Variants in RP1 observed in about 807,000 individuals in gnomAD.
RP1 encodes oxygen-regulated protein 1.
A neutral mutation model predicts 14.8 loss-of-function variants in RP1; 16 were observed. That is an observed-to-expected ratio of 1.08 (90% CI 0.73 to 1.65). The LOEUF is 1.65. RP1 is among the 40% of genes most tolerant of loss of function. The pLI is 0.00. For missense variants in RP1, 2,631 were observed against 2,535.0 expected, an observed-to-expected ratio of 1.04 and a Z score of -0.81; for synonymous variants, 876 against 883.6, an observed-to-expected ratio of 0.99 and a Z score of 0.15.
At chr8:54,656,355 C>A in intron 6 of RP1, 1 of 830,740 alleles carries the variant, frequency 1.2e-6, no homozygotes, top group Non-Finnish European at 1.8e-6. Context: ...TCTGATGTGG[C>A]AGCTGCATCT....
chr8:54,648,895 G>A, intron 3 of RP1: 1 of 881,726 alleles, frequency 1.1e-6, no homozygotes, highest in Non-Finnish European at 1.6e-6. Context: ...TGTCTATCCT[G>A]AACTCTCCTA....
intron 25 of RP1, among the ~76,000 whole-genome samples, chr8:54,851,485 A>T (rs1323236313): frequency 6.6e-6 from 1 of 152,212 alleles, no homozygotes; most frequent in East Asian, 1.9e-4. Context: ...CAAGCATCAT[A>T]CTTGTTTTCA....
At chr8:54,810,110 A>G (rs1158305852) in intron 24 of RP1, among the ~76,000 whole-genome samples, 2 of 152,150 alleles carry the variant, frequency 1.3e-5, no homozygotes, top group African/African-American at 4.8e-5. Context: ...TGCCATTAAA[A>G]TCCCTTCTGG....
chr8:54,565,546 G>C (rs1056436423), intron 1 of RP1, among the ~76,000 whole-genome samples: 1 of 152,096 alleles, frequency 6.6e-6, no homozygotes, highest in Non-Finnish European at 1.5e-5. Flanking sequence ...CCTTTATACT[G>C]GTCCATTTGC....
chr8:54,796,112 GT>G (rs1563378959), intron 24 of RP1, among the ~76,000 whole-genome samples: 2 of 152,160 alleles, frequency 1.3e-5, no homozygotes, highest in Admixed American at 1.3e-4. Flanking sequence ...GCAGTGATAG[GT>G]GTGAGTATTG....
intron 1 of RP1, among the ~76,000 whole-genome samples, chr8:54,594,464 A>G (rs1185213248): frequency 6.6e-6 from 1 of 152,234 alleles, no homozygotes; most frequent in Non-Finnish European, 1.5e-5. Context: ...TGTTAGAAGC[A>G]CATTATTTTC....
At chr8:54,570,146 G>C (rs1453857819) in intron 1 of RP1, among the ~76,000 whole-genome samples, 1 of 152,112 alleles carries the variant, frequency 6.6e-6, no homozygotes, top group East Asian at 1.9e-4. Flanking sequence ...GCAGCCCGAT[G>C]TTGCAGCCTC....
intron 24 of RP1, among the ~76,000 whole-genome samples, chr8:54,832,232 T>G (rs7822624): frequency 0.74 from 111,413 of 151,338 alleles, 41,665 homozygotes; most frequent in African/African-American, 0.88. Context: ...TATTTTTTCT[T>G]CTCTATTCAA....
intron 24 of RP1, among the ~76,000 whole-genome samples, chr8:54,823,644 T>A (rs1256543335): frequency 6.6e-6 from 1 of 152,220 alleles, no homozygotes; most frequent in Non-Finnish European, 1.5e-5. Flanking sequence ...TGCTTTTTTT[T>A]ATTGCTGAGT....
At chr8:54,586,609 G>C (rs950333875) in intron 1 of RP1, among the ~76,000 whole-genome samples, 3 of 151,748 alleles carry the variant, frequency 2.0e-5, no homozygotes, top group Admixed American at 2.0e-4. Context: ...AGTCTACAGA[G>C]GCAGGCAGGC....
At chr8:54,702,736 ATAG>A (rs1420724601) in intron 14 of RP1, among the ~76,000 whole-genome samples, 1 of 152,204 alleles carries the variant, frequency 6.6e-6, no homozygotes, top group Non-Finnish European at 1.5e-5. Context: ...CATTTTATCC[ATAG>A]TAGAACTTTT....
Position 54,595,019 on chromosome 8 carries a change from T to C in RP1, c.-12-25936T>C, listed in dbSNP as rs573231500. Among the ~76,000 whole-genome samples the C allele has an allele frequency of 1.1e-4, 17 of 152,112 alleles. No homozygotes were observed. In the South Asian group the frequency reaches 3.3e-3, roughly 30 times the overall value. ...TCAAGGTATTTTTCTTACTCAAAAA[T>C]CCCTATAATAAATAAACATTTAAAA... is the stretch of plus-strand genomic sequence containing the variant. On this transcript the variant is annotated intron_variant, in intron 1 of 22. Transcript: ENST00000636932.
intron 21 of RP1, among the ~76,000 whole-genome samples, chr8:54,757,265 C>A (rs1250391035): frequency 6.6e-6 from 1 of 152,146 alleles, no homozygotes; most frequent in African/African-American, 2.4e-5. Flanking sequence ...GGTGTCCTGG[C>A]ACGATAATAA....
intron 25 of RP1, among the ~76,000 whole-genome samples, chr8:54,846,541 A>G (rs182145955): frequency 6.6e-6 from 1 of 152,314 alleles, no homozygotes; most frequent in Non-Finnish European, 1.5e-5. Context: ...CTGCATGTAA[A>G]TTATATTTCA....
chr8:54,665,469 A>G (rs117774510), intron 7 of RP1, among the ~76,000 whole-genome samples: 1 of 152,272 alleles, frequency 6.6e-6, no homozygotes, highest in East Asian at 1.9e-4. Flanking sequence ...GATAGGTAAG[A>G]TAGAAGTCAG....
chr8:54,670,382 T>C (rs1807126840), intron 7 of RP1, among the ~76,000 whole-genome samples: 2 of 151,178 alleles, frequency 1.3e-5, no homozygotes, highest in Non-Finnish European at 1.5e-5. Context: ...TGCTGTCTAT[T>C]TCTCCCTTCA....
intron 19 of RP1, among the ~76,000 whole-genome samples, chr8:54,750,194 G>A (rs1809322972): frequency 2.0e-5 from 3 of 152,106 alleles, no homozygotes; most frequent in African/African-American, 7.2e-5. Context: ...TAAGAATTCT[G>A]ATCTCCAATC....
At chr8:54,789,821 G>A (rs1810417058) in intron 24 of RP1, among the ~76,000 whole-genome samples, 1 of 152,148 alleles carries the variant, frequency 6.6e-6, no homozygotes, top group South Asian at 2.1e-4. Flanking sequence ...CACAGCAACA[G>A]CTCTGCATTA....
intron 4 of RP1, among the ~76,000 whole-genome samples, chr8:54,652,017 T>TC (rs897669862): frequency 2.6e-5 from 4 of 151,884 alleles, no homozygotes; most frequent in Non-Finnish European, 4.4e-5. Flanking sequence ...TACACTTTTT[T>TC]TTTTTTCTGA....
Sources: allele counts gnomAD v4.1 joint callset (sites outside exome capture counted in the v4.1 genomes callset), GRCh38; gene constraint gnomAD v4.1.1; transcripts MANE v1.5; gene names NCBI Gene and HGNC (gene_info 2026-07-23, HGNC 2026-07-21).